Variants in RBFOX1 observed in about 807,000 individuals in gnomAD.
RBFOX1 encodes RNA binding protein fox-1 homolog 1.
In RBFOX1, 8 loss-of-function variants were observed where a neutral mutation model predicts 57.7. That is an observed-to-expected ratio of 0.14 (90% confidence interval 0.08 to 0.25). RBFOX1 has a LOEUF of 0.25. RBFOX1 is among the 10% of genes least tolerant of loss of function. The pLI is 1.00. For missense variants in RBFOX1, 611 were observed against 548.5 expected, an observed-to-expected ratio of 1.11 and a Z score of -1.14; for synonymous variants, 326 against 222.4, an observed-to-expected ratio of 1.47 and a Z score of -4.15.
intron 3 of RBFOX1, among the ~76,000 whole-genome samples, chr16:6,995,676 C>T (rs1223165064): frequency 6.6e-6 from 1 of 152,090 alleles, no homozygotes; most frequent in Admixed American, 6.6e-5. Flanking sequence ...AGGAGAATCA[C>T]TTGAACCTGG....
At chr16:6,557,605 A>T (rs2097123423) in intron 2 of RBFOX1, among the ~76,000 whole-genome samples, 1 of 152,210 alleles carries the variant, frequency 6.6e-6, no homozygotes, top group Non-Finnish European at 1.5e-5. Flanking sequence ...TCCTGTTGAA[A>T]GGGTAGTTAA....
In RBFOX1 at chr16:5,279,101, GT is replaced by G. The variant is rs796342810; in HGVS notation, c.219+39005del. On this transcript the variant is annotated intron_variant, in intron 1 of 2. Coordinates refer to the RBFOX1 transcript ENST00000585867. ...TCTGTGGTTCCATGTGAATTTCAGGGTTTTTTTTTCCTGTTTCTGTGAAGAA... is the reference window on the plus strand; with the variant it reads ...TCTGTGGTTCCATGTGAATTTCAGGGTTTTTTTTCCTGTTTCTGTGAAGAA... Among the ~76,000 whole-genome samples, 149 of 151,172 alleles carry G rather than the reference GT, an allele frequency of 9.9e-4. 1 individual carries two copies. The highest frequency in any genetic ancestry group is 3.2e-3 in the African/African-American group (131 of 41,206).
chr16:7,244,775 G>C (rs569106343), intron 4 of RBFOX1, among the ~76,000 whole-genome samples: 1 of 152,204 alleles, frequency 6.6e-6, no homozygotes, highest in Non-Finnish European at 1.5e-5. Flanking sequence ...CATCACACTC[G>C]AAGGAGGCAG....
intron 4 of RBFOX1, among the ~76,000 whole-genome samples, chr16:7,516,073 G>T (rs924506498): frequency 6.6e-6 from 1 of 152,138 alleles, no homozygotes; most frequent in East Asian, 1.9e-4. Context: ...TCGAACTCCT[G>T]ACCTCAAGTG....
intron 3 of RBFOX1, among the ~76,000 whole-genome samples, chr16:5,768,096 T>A (rs1258630440): frequency 6.6e-6 from 1 of 152,178 alleles, no homozygotes; most frequent in Admixed American, 6.5e-5. Flanking sequence ...ATAAGCATTC[T>A]CTTCAAATAA....
intron 4 of RBFOX1, among the ~76,000 whole-genome samples, chr16:7,098,906 A>G (rs1027259220): frequency 1.7e-4 from 26 of 152,264 alleles, no homozygotes; most frequent in African/African-American, 5.5e-4. Flanking sequence ...TTCATCTTTA[A>G]AATGGGACTG....
chr16:5,714,928 T>C (rs2051633057), intron 3 of RBFOX1, among the ~76,000 whole-genome samples: 1 of 152,214 alleles, frequency 6.6e-6, no homozygotes, highest in Non-Finnish European at 1.5e-5. Flanking sequence ...GAGTTGATGC[T>C]GAAATATCTG....
At chr16:5,991,842 G>C (rs139339762) in intron 4 of RBFOX1, among the ~76,000 whole-genome samples, 43 of 152,000 alleles carry the variant, frequency 2.8e-4, no homozygotes, top group African/African-American at 9.9e-4. Context: ...TTGCAGGGCT[G>C]GGAAATTAGA....
intron 4 of RBFOX1, among the ~76,000 whole-genome samples, chr16:5,903,216 C>G (rs1229320457): frequency 1.3e-5 from 2 of 152,126 alleles, no homozygotes; most frequent in Non-Finnish European, 2.9e-5. Context: ...AAGACAGTCT[C>G]CTAAACTAAC....
intron 3 of RBFOX1, among the ~76,000 whole-genome samples, chr16:6,969,392 C>G (rs1371781162): frequency 1.3e-5 from 2 of 150,234 alleles, no homozygotes; most frequent in African/African-American, 5.0e-5. Context: ...ATATTTTGTT[C>G]ATGATGCATA....
rs2060149012 is a variant in RBFOX1, at chr16:6,691,146, C to G, written c.-16+36496C>G. ...TTACAGAGTCCTGGAAAGAAATCTCCCAACCATGTCTTTTGTATCAAAAAG... is the reference window on the plus strand; with the variant it reads ...TTACAGAGTCCTGGAAAGAAATCTCGCAACCATGTCTTTTGTATCAAAAAG... On this transcript the variant is annotated intron_variant, in intron 3 of 15. Coordinates refer to ENST00000550418, the MANE Select transcript of RBFOX1 (RefSeq NM_018723.4). 2.0e-5 allele frequency among the ~76,000 whole-genome samples: 3 copies of G among 152,182 alleles called. No homozygotes were observed. The South Asian group carries it at 6.2e-4, about 32-fold the overall frequency.
chr16:7,459,974 A>G (rs994292261), intron 4 of RBFOX1, among the ~76,000 whole-genome samples: 6 of 152,188 alleles, frequency 3.9e-5, no homozygotes, highest in Non-Finnish European at 8.8e-5. Flanking sequence ...AAGTAATTGA[A>G]AATGGAAATA....
chr16:6,852,772 T>C (rs1042563735), intron 3 of RBFOX1, among the ~76,000 whole-genome samples: 2 of 151,162 alleles, frequency 1.3e-5, no homozygotes, highest in African/African-American at 4.9e-5. Flanking sequence ...ACTAGCTGTC[T>C]GGGAGAGGTA....
chr16:5,465,539 A>C (rs1470872962), intron 1 of RBFOX1, among the ~76,000 whole-genome samples: 1 of 151,846 alleles, frequency 6.6e-6, no homozygotes, highest in East Asian at 1.9e-4. Flanking sequence ...TCCAGCATCT[A>C]CTCTGTGGAT....
At chr16:7,457,278 T>A (rs2058714900) in intron 4 of RBFOX1, among the ~76,000 whole-genome samples, 1 of 152,146 alleles carries the variant, frequency 6.6e-6, no homozygotes, top group South Asian at 2.1e-4. Flanking sequence ...GACTGTTGTG[T>A]CATGGAATAG....
chr16:6,851,043 AAAG>A (rs1686220561), intron 3 of RBFOX1, among the ~76,000 whole-genome samples: 1 of 152,238 alleles, frequency 6.6e-6, no homozygotes, highest in Non-Finnish European at 1.5e-5. Flanking sequence ...TAGCAATAAA[AAAG>A]AACAAATTAT....
At chr16:5,811,648 A>T (rs2055436080) in intron 3 of RBFOX1, among the ~76,000 whole-genome samples, 6 of 151,402 alleles carry the variant, frequency 4.0e-5, no homozygotes, top group Admixed American at 3.9e-4. Context: ...ACAGGGTTTC[A>T]CGATGTTGGC....
intron 2 of RBFOX1, among the ~76,000 whole-genome samples, chr16:6,611,145 T>C (rs1242431136): frequency 6.6e-6 from 1 of 152,098 alleles, no homozygotes; most frequent in Admixed American, 6.6e-5. Context: ...AGTCTTTGTG[T>C]AGTTATTTTT....
At chr16:5,714,418 G>A (rs1377229025) in intron 3 of RBFOX1, among the ~76,000 whole-genome samples, 1 of 152,192 alleles carries the variant, frequency 6.6e-6, no homozygotes, top group African/African-American at 2.4e-5. Context: ...CAGAGAACAT[G>A]GAATAGAGAC....
Sources: gnomAD v4.1 joint callset for allele counts (sites outside exome capture counted in the v4.1 genomes callset) on GRCh38, gnomAD v4.1.1 for gene constraint, MANE v1.5 for transcripts, NCBI Gene and HGNC (gene_info 2026-07-23, HGNC 2026-07-21) for gene names.